FNDC1: variants seen among roughly 807,000 people sequenced by gnomAD.
FNDC1 encodes fibronectin type III domain-containing protein 1.
FNDC1 carries 96 observed loss-of-function variants against 168.0 expected under a neutral mutation model. The observed-to-expected ratio is 0.57, with a 90% CI of 0.48 to 0.68. The LOEUF (loss-of-function observed/expected upper bound fraction) is 0.68. FNDC1 is among the 30% of genes least tolerant of loss of function. The pLI, the probability that FNDC1 is intolerant of heterozygous loss-of-function variation, is 0.00. For missense variants in FNDC1, 2,587 were observed against 2,482.1 expected (o/e 1.04, Z -0.90); for synonymous variants, 1,099 against 1,025.9 (o/e 1.07, Z -1.36).
At chr6:159,200,204 T>C in intron 3 of FNDC1, 122 bp downstream of exon 3, 1 of 781,132 alleles carries the variant, frequency 1.3e-6, no homozygotes, top group Non-Finnish European at 2.1e-6. Context: ...ACAAGAACTT[T>C]TTAGACTTGT....
rs59162576 is a variant in FNDC1, at chr6:159,268,723, C to CATCTATCTATCT, written c.5569+805_5569+816dup. Reference sequence around the variant, plus strand: ...CCATCTATCTATCCATTTATGCATCCATCTATCTATCTATCTATCATCCAT... The same window carrying CATCTATCTATCT: ...CCATCTATCTATCCATTTATGCATCCATCTATCTATCTATCTATCTATCTATCTATCATCCAT... On this transcript the variant is annotated intron_variant, in intron 22 of 22. Transcript: ENST00000297267. Among the ~76,000 whole-genome samples the CATCTATCTATCT allele has an allele frequency of 4.8e-3, 713 of 149,824 alleles. 2 individuals carry two copies. The highest frequency in any genetic ancestry group is 7.1e-3 in the South Asian group (33 of 4,678).
At chr6:159,269,241 C>CATA (rs1168980409) in intron 22 of FNDC1, among the ~76,000 whole-genome samples, 2 of 124,710 alleles carry the variant, frequency 1.6e-5, no homozygotes, top group African/African-American at 6.8e-5. Flanking sequence ...ATCTATCTAT[C>CATA]TATCTATCCA....
chr6:159,234,294 T>C lies in FNDC1; in HGVS notation c.3782T>C (p.Leu1261Pro), dbSNP rs3003174. ...AGGGCCTCCCACGTCCCTTCCCGAC[T>C]GCCGCCTCGCAGCGCTGCCACCGTG... ...SPRASHVPSR[L>P]PPRSAATVSP... is the part of the protein sequence containing the mutation. Residue 1261 changes from leucine to proline, a missense_variant, in exon 11 of 23, where the codon CTG becomes CCG. Leu to Pro is a moderately conservative substitution (Grantham distance 98). Transcript: ENST00000297267. 0.88 allele frequency: 1,406,369 copies of C among 1,603,106 alleles called. 619,387 individuals are homozygous for C. Among genetic ancestry groups the C allele is most frequent in the Middle Eastern group, 0.91 (5,482 of 6,046 alleles).
chr6:159,191,886 C>T (rs1782149214), intron 1 of FNDC1, among the ~76,000 whole-genome samples: 1 of 151,750 alleles, frequency 6.6e-6, no homozygotes, highest in Non-Finnish European at 1.5e-5. Flanking sequence ...TTTTTTGTGA[C>T]AGGGTCTCAC....
chr6:159,179,331 C>T (rs775638545), intron 1 of FNDC1, among the ~76,000 whole-genome samples: 28 of 152,210 alleles, frequency 1.8e-4, no homozygotes, highest in South Asian at 4.1e-4. Context: ...TGGTGGCAGA[C>T]GCCTGTAGTC....
At chr6:159,247,114 G>C (rs1777154840) in intron 15 of FNDC1, 145 bp downstream of exon 15, 2 of 664,418 alleles carry the variant, frequency 3.0e-6, no homozygotes, top group Non-Finnish European at 5.4e-6. Flanking sequence ...CTTAGGGAAG[G>C]GTGGTTGTAC....
intron 5 of FNDC1, among the ~76,000 whole-genome samples, chr6:159,219,898 G>A (rs1782785229): frequency 1.3e-5 from 2 of 152,124 alleles, no homozygotes; most frequent in Admixed American, 6.5e-5. Flanking sequence ...TTGTTTGTTT[G>A]TTTACTTCTG....
At chr6:159,257,605 C>T (rs1777403183) in intron 18 of FNDC1, among the ~76,000 whole-genome samples, 2 of 152,156 alleles carry the variant, frequency 1.3e-5, no homozygotes, top group Non-Finnish European at 1.5e-5. Flanking sequence ...AAATGGCCCT[C>T]ATTAGACAGG....
intron 1 of FNDC1, among the ~76,000 whole-genome samples, chr6:159,170,682 G>C (rs1781634483): frequency 6.6e-6 from 1 of 152,120 alleles, no homozygotes; most frequent in Non-Finnish European, 1.5e-5. Context: ...CTTACTTCAG[G>C]GGTAAAGGAA....
At chr6:159,183,368 T>C (rs1781923139) in intron 1 of FNDC1, among the ~76,000 whole-genome samples, 1 of 152,114 alleles carries the variant, frequency 6.6e-6, no homozygotes, top group Non-Finnish European at 1.5e-5. Flanking sequence ...ATGATGCAAC[T>C]TTTTTCTGGT....
chr6:159,269,466 C>G, intron 22 of FNDC1, among the ~76,000 whole-genome samples: 1 of 130,564 alleles, frequency 7.7e-6, no homozygotes, highest in African/African-American at 3.1e-5. Context: ...ATCTATCTAT[C>G]TATCTATCTA....
chr6:159,264,616 T>C (rs572612670), intron 19 of FNDC1, among the ~76,000 whole-genome samples: 17 of 152,354 alleles, frequency 1.1e-4, no homozygotes, highest in South Asian at 6.2e-4. Context: ...CTGAGTGGAA[T>C]GGATGGATTT....
chr6:159,180,112 G>A (rs1781849505), intron 1 of FNDC1, among the ~76,000 whole-genome samples: 1 of 152,198 alleles, frequency 6.6e-6, no homozygotes, highest in Non-Finnish European at 1.5e-5. Flanking sequence ...TGCAGCTCCG[G>A]AGCTGGAAGT....
At position 159,226,497 on chromosome 6, in the gene FNDC1, T is replaced by G; in HGVS notation, c.1097T>G (p.Leu366Trp). ...GCCCCTACCACAGCTCCTGAAAACT[T>G]GAACGTCTGGCCAGTCAATGGCAAA... ...ESAPTTAPEN[L>W]NVWPVNGKPT... Residue 366 changes from leucine (L) to tryptophan (W), a missense_variant, in exon 9 of 23, where the codon TTG (leucine) becomes TGG (tryptophan). Leu to Trp is a moderately conservative substitution (Grantham distance 61). Transcript: ENST00000297267. 1 of 1,612,460 alleles carries G rather than the reference T, an allele frequency of 6.2e-7. No homozygotes were observed. Among genetic ancestry groups the G allele is most frequent in the South Asian group, 1.1e-5 (1 of 90,502 alleles).
intron 1 of FNDC1, among the ~76,000 whole-genome samples, chr6:159,193,518 G>A (rs552997101): frequency 1.3e-5 from 2 of 152,198 alleles, no homozygotes; most frequent in Admixed American, 1.3e-4. Context: ...GAGAAGATGA[G>A]GTATGGTGCC....
At chr6:159,189,893 C>T (rs1413298785) in intron 1 of FNDC1, among the ~76,000 whole-genome samples, 2 of 152,100 alleles carry the variant, frequency 1.3e-5, no homozygotes, top group Non-Finnish European at 2.9e-5. Flanking sequence ...CATCTCATTC[C>T]TGGGACTGTG....
intron 5 of FNDC1, among the ~76,000 whole-genome samples, chr6:159,220,209 G>T (rs1256020431): frequency 6.6e-6 from 1 of 152,156 alleles, no homozygotes; most frequent in East Asian, 1.9e-4. Context: ...TCCATAAACA[G>T]TCCCTCTGTG....
Position 159,234,449 on chromosome 6 carries a change from C to G in FNDC1, c.3937C>G (p.Arg1313Gly). Residue 1313 changes from arginine to glycine, a missense_variant, in exon 11 of 23, where the codon CGA becomes GGA. By Grantham distance (125) the Arg-to-Gly change is moderately radical. Coordinates refer to ENST00000297267, the MANE Select transcript of FNDC1 (RefSeq NM_032532.3). ...TGCCAGATTCCGTAACCCTCTCTCC[C>G]GACAGCCTGCCAGACCCTCTTACAG... ...MHARFRNPLS[R>G]QPARPSYRQG... is the part of the protein sequence containing the mutation. 6.2e-7 allele frequency: 1 copy of G among 1,613,528 alleles called. No individual in the cohort carries two copies. The highest frequency in any genetic ancestry group is 8.5e-7 in the Non-Finnish European group (1 of 1,179,884).
chr6:159,269,577 A>ATCTGTCTG (rs879656250), intron 22 of FNDC1, among the ~76,000 whole-genome samples: 141 of 112,698 alleles, frequency 1.3e-3, no homozygotes, highest in African/African-American at 3.6e-3. Context: ...CATCTATCCT[A>ATCTGTCTG]TCTGTCTGTC....
Sources: allele counts gnomAD v4.1 joint callset (sites outside exome capture counted in the v4.1 genomes callset), GRCh38; gene constraint gnomAD v4.1.1; transcripts MANE v1.5; gene names NCBI Gene and HGNC (gene_info 2026-07-23, HGNC 2026-07-21).